Variants in ZNF578 observed in about 807,000 individuals in gnomAD.
The protein encoded by ZNF578 is zinc finger protein 578, also known as Putative chemokine-related protein B42.
ZNF578 carries 8 observed loss-of-function variants against 8.3 expected under a neutral mutation model. The ratio of observed to expected loss-of-function variants is 0.96; its 90% CI spans 0.56 to 1.74. ZNF578 has a LOEUF of 1.74. ZNF578 is among the 40% of genes most tolerant of loss of function. The pLI is 0.00. For synonymous variants in ZNF578, 206 were observed against 232.2 expected, an observed-to-expected ratio of 0.89 and a Z score of 1.03; for missense variants, 726 against 707.5, an observed-to-expected ratio of 1.03 and a Z score of -0.30.
At chr19:52,509,529 C>T (rs192227250) in intron 5 of ZNF578, among the ~76,000 whole-genome samples, 31 of 152,304 alleles carry the variant, frequency 2.0e-4, no homozygotes, top group Admixed American at 1.4e-3. Flanking sequence ...TGGCTCACAC[C>T]GGCAATCCCA....
chr19:52,457,801 A>T (rs1014599152), intron 2 of ZNF578: 2 of 153,306 alleles, frequency 1.3e-5, no homozygotes, highest in African/African-American at 4.8e-5. Flanking sequence ...CCCTGTACAC[A>T]TCAGGCATTG....
intron 2 of ZNF578, among the ~76,000 whole-genome samples, chr19:52,468,058 T>C (rs1457857): frequency 0.89 from 134,914 of 152,148 alleles, 60,588 homozygotes; most frequent in Non-Finnish European, 0.96. Flanking sequence ...CTTTTCACTA[T>C]AGTAACAAAG....
intron 3 of ZNF578, among the ~76,000 whole-genome samples, chr19:52,499,388 A>C (rs1224699483): frequency 1.3e-5 from 2 of 152,054 alleles, no homozygotes; most frequent in African/African-American, 4.8e-5. Flanking sequence ...GCAGGCCTCA[A>C]CCCTGAGCTC....
Position 52,516,290 on chromosome 19 carries a change from C to T in ZNF578, c.*4136C>T, listed in dbSNP as rs1841363918. On this transcript the variant is annotated 3_prime_UTR_variant, in exon 6 of 6. Coordinates refer to ENST00000421239, the MANE Select transcript of ZNF578 (RefSeq NM_001099694.2). ...GATGACAGGCATGAGCCACTGCAAC[C>T]AGCCTCTGCATGGGGTTTCCTCAAC... is the stretch of plus-strand genomic sequence containing the variant. Among the ~76,000 whole-genome samples the T allele has an allele frequency of 6.6e-6, 1 of 152,194 alleles. No homozygotes were observed. The highest frequency in any genetic ancestry group is 2.4e-5 in the African/African-American group (1 of 41,452).
At position 52,511,817 on chromosome 19, in the gene ZNF578, G is replaced by T. The variant is rs1400105968; in HGVS notation, c.1436G>T (p.Gly479Val). Residue 479 changes from glycine to valine, a missense_variant, in exon 6 of 6, where the codon GGA (glycine) becomes GTA (valine). Physicochemically the swap from Gly to Val is moderately radical, Grantham distance 109. Transcript: ENST00000421239. Reference protein sequence around the residue: ...NLERHKIIHTGEKPYKCNECH... With the variant: ...NLERHKIIHTVEKPYKCNECH... ...GAGAGACACAAGATAATTCATACTGGAGAGAAACCTTACAAGTGTAATGAG... is the reference window on the plus strand; with the variant it reads ...GAGAGACACAAGATAATTCATACTGTAGAGAAACCTTACAAGTGTAATGAG... 3 of 1,613,902 alleles carry T rather than the reference G, an allele frequency of 1.9e-6. No homozygotes were observed. Among genetic ancestry groups the T allele is most frequent in the Non-Finnish European group, 2.5e-6 (3 of 1,179,896 alleles).
At chr19:52,487,950 G>GCC (rs59420928) in intron 2 of ZNF578, among the ~76,000 whole-genome samples, 19 of 144,122 alleles carry the variant, frequency 1.3e-4, no homozygotes, top group Non-Finnish European at 1.8e-4. Flanking sequence ...GGCCTACATA[G>GCC]CCCCCCCCCC....
chr19:52,497,535 GTATGA>G (rs1277302363), intron 3 of ZNF578, among the ~76,000 whole-genome samples: 1 of 152,180 alleles, frequency 6.6e-6, no homozygotes, highest in African/African-American at 2.4e-5. Context: ...TGTTTTCAAA[GTATGA>G]TATATTTTCA....
chr19:52,462,003 A>T (rs547352919), intron 2 of ZNF578, among the ~76,000 whole-genome samples: 1 of 152,198 alleles, frequency 6.6e-6, no homozygotes, highest in Non-Finnish European at 1.5e-5. Context: ...TTCATCTATC[A>T]TTCTGATTGG....
chr19:52,491,740 A>G (rs2059365691), intron 3 of ZNF578, among the ~76,000 whole-genome samples: 2 of 152,154 alleles, frequency 1.3e-5, no homozygotes, highest in African/African-American at 4.8e-5. Flanking sequence ...AAAAAGTAAA[A>G]AAAGAAAAAG....
intron 1 of ZNF578, chr19:52,455,801 G>A (rs1162775446): frequency 6.6e-6 from 1 of 152,160 alleles, no homozygotes; most frequent in Non-Finnish European, 1.5e-5. Flanking sequence ...AAATGTTTTA[G>A]GGAATAATAT....
intron 5 of ZNF578, among the ~76,000 whole-genome samples, chr19:52,506,501 T>G (rs1325594104): frequency 6.9e-6 from 1 of 144,100 alleles, no homozygotes; most frequent in East Asian, 2.1e-4. Context: ...GGAGTATTGC[T>G]CTGTCACCCA....
chr19:52,494,821 A>AT (rs2059380010), intron 3 of ZNF578, among the ~76,000 whole-genome samples: 1 of 152,012 alleles, frequency 6.6e-6, no homozygotes. Flanking sequence ...GTTATTATGT[A>AT]ATACTTTTAA....
At chr19:52,479,734 T>A (rs1246938963) in intron 2 of ZNF578, among the ~76,000 whole-genome samples, 1 of 152,082 alleles carries the variant, frequency 6.6e-6, no homozygotes, top group Non-Finnish European at 1.5e-5. Flanking sequence ...GTTGGAATTC[T>A]AAAAGTAGGT....
At position 52,511,915 on chromosome 19, in the gene ZNF578, A is replaced by G; in HGVS notation, c.1534A>G (p.Lys512Glu). The G allele has an allele frequency of 6.2e-7, 1 of 1,613,920 alleles. No individual in the cohort carries two copies. The highest frequency in any genetic ancestry group is 1.1e-5 in the South Asian group (1 of 91,072). ...RRLHSGEKPY[K>E]CNECGKTFNV... ...ACTTCATAGTGGTGAGAAACCTTAC[A>G]AGTGTAATGAATGTGGGAAGACTTT... Residue 512 changes from lysine to glutamate, a missense_variant, in exon 6 of 6, where the codon AAG (lysine) becomes GAG (glutamate). Transcript: ENST00000421239.
chr19:52,514,105 G>T lies in ZNF578; in HGVS notation c.*1951G>T, dbSNP rs1229996030. On this transcript the variant is annotated 3_prime_UTR_variant, in exon 6 of 6. Transcript: ENST00000421239. ...TAGACTTCCCTTTTTTTTCCTTCTG[G>T]TTCCTCTTCAGTTCTCTATTTATTT... Among the ~76,000 whole-genome samples, 2 of 151,290 alleles carry T rather than the reference G, an allele frequency of 1.3e-5. No homozygotes were observed. Among genetic ancestry groups the T allele is most frequent in the Admixed American group, 6.6e-5 (1 of 15,158 alleles).
At chr19:52,480,609 A>AT (rs1568459273) in intron 2 of ZNF578, among the ~76,000 whole-genome samples, 5 of 124,088 alleles carry the variant, frequency 4.0e-5, no homozygotes, top group African/African-American at 1.9e-4. Context: ...AAAAAAAAAA[A>AT]ATTTTTGGCC....
intron 3 of ZNF578, among the ~76,000 whole-genome samples, chr19:52,497,026 G>T (rs2059389365): frequency 6.6e-6 from 1 of 151,916 alleles, no homozygotes; most frequent in Non-Finnish European, 1.5e-5. Context: ...GCAACCTCCT[G>T]GGCTCAAGTG....
intron 2 of ZNF578, among the ~76,000 whole-genome samples, chr19:52,489,163 G>A (rs1373008416): frequency 2.6e-5 from 4 of 151,416 alleles, no homozygotes; most frequent in Middle Eastern, 3.2e-3. Context: ...CATCTACTCC[G>A]GAGGCTGAGG....
rs1305132376 is a variant in ZNF578, at chr19:52,514,296, T to A, written c.*2142T>A. ...AGTTGTTTTCCGGTTGACCCCAAAATTCGTGAGATTTTTTTCCTACAACAA... is the reference window on the plus strand; with the variant it reads ...AGTTGTTTTCCGGTTGACCCCAAAAATCGTGAGATTTTTTTCCTACAACAA... On this transcript the variant is annotated 3_prime_UTR_variant, in exon 6 of 6. Coordinates refer to ENST00000421239, the MANE Select transcript of ZNF578 (RefSeq NM_001099694.2). 6.6e-6 allele frequency among the ~76,000 whole-genome samples: 1 copy of A among 152,184 alleles called. No individual in the cohort carries two copies. Among genetic ancestry groups the A allele is most frequent in the Non-Finnish European group, 1.5e-5 (1 of 68,044 alleles).
Sources: allele counts gnomAD v4.1 joint callset (sites outside exome capture counted in the v4.1 genomes callset), GRCh38; gene constraint gnomAD v4.1.1; transcripts MANE v1.5; gene names NCBI Gene and HGNC (gene_info 2026-07-23, HGNC 2026-07-21).